The following VIL1 variants were observed in gnomAD, a reference collection of about 807,000 sequenced individuals.
VIL1 encodes the protein villin 1.
In VIL1, 86 loss-of-function variants were observed where a neutral mutation model predicts 104.0. The observed-to-expected ratio is 0.83, with a 90% confidence interval of 0.69 to 0.99. The LOEUF is 0.99. Among genes scored for constraint, VIL1 ranks in the 50% least tolerant of loss-of-function variants. VIL1 has a pLI of 0.00. For synonymous variants in VIL1, 394 were observed against 412.6 expected, an observed-to-expected ratio of 0.95 and a Z score of 0.55; for missense variants, 944 against 1,054.1, an observed-to-expected ratio of 0.90 and a Z score of 1.45.
chr2:218,423,708 A>G (rs1688931216), intron 1 of VIL1, 60 bp from the exon 2 acceptor site: 2 of 1,558,662 alleles, frequency 1.3e-6, no homozygotes, highest in Non-Finnish European at 8.8e-7. Context: ...CTCTAGGGGC[A>G]GGCTGGAAGG....
At chr2:218,435,181 C>T (rs1689167466) in intron 14 of VIL1, 108 bp from the exon 15 acceptor site, 1 of 1,484,656 alleles carries the variant, frequency 6.7e-7, no homozygotes. Context: ...TACACAAGGT[C>T]CTGACCCAGG....
intron 10 of VIL1, among the ~76,000 whole-genome samples, chr2:218,431,598 C>A (rs568680931): frequency 6.6e-6 from 1 of 152,072 alleles, no homozygotes; most frequent in East Asian, 1.9e-4. Flanking sequence ...GGGGTCAGGA[C>A]GTAGATCAAC....
At chr2:218,425,924 C>A in intron 4 of VIL1, 113 bp downstream of exon 4, 2 of 1,178,470 alleles carry the variant, frequency 1.7e-6, no homozygotes, top group Non-Finnish European at 1.2e-6. Flanking sequence ...CTGGGAAGAA[C>A]ACTTGGAGCA....
intron 6 of VIL1, among the ~76,000 whole-genome samples, chr2:218,428,802 G>A (rs1689045596): frequency 6.6e-6 from 1 of 152,194 alleles, no homozygotes; most frequent in Non-Finnish European, 1.5e-5. Context: ...CTCCCGAGTA[G>A]CTGGGATTAC....
Position 218,424,798 on chromosome 2 carries a change from A to G in VIL1, c.150+447A>G, listed in dbSNP as rs149852901. Among the ~76,000 whole-genome samples the G allele has an allele frequency of 8.3e-4, 126 of 152,240 alleles. No homozygotes were observed. The East Asian group carries it at 0.016, about 19-fold the overall frequency. ...CAGCCTCTTGAGTAGCTTGGACTAC[A>G]GGCACGTGCCACCACAGTCAGCTAA... On this transcript the variant is annotated intron_variant, in intron 3 of 19. Transcript: ENST00000248444.
intron 1 of VIL1, among the ~76,000 whole-genome samples, chr2:218,419,527 C>T (rs949395787): frequency 2.0e-5 from 3 of 152,172 alleles, no homozygotes; most frequent in Non-Finnish European, 4.4e-5. Context: ...ACTCCCCGAG[C>T]CCCCTCCCCA....
At position 218,419,154 on chromosome 2, in the gene VIL1, G is replaced by C. The variant is rs1189390113; in HGVS notation, c.-26G>C. The C allele has an allele frequency of 6.6e-6, 1 of 152,262 alleles. No individual in the cohort carries two copies. Among genetic ancestry groups the C allele is most frequent in the African/African-American group, 2.4e-5 (1 of 41,422 alleles). The allele number at this position is 152,262 out of a possible 1,614,324, so 9.4% of individuals were successfully genotyped here. A position where few individuals can be genotyped will look rare whatever the true frequency, so the allele number is the denominator to read the frequency against. On this transcript the variant is annotated 5_prime_UTR_variant, in exon 1 of 20. Transcript: ENST00000248444. Reference sequence around the variant, plus strand: ...CCCTGAGATCTCCCAGGTGGCAGCTGCCTCCCCAAGACAGGTAAGGCAACC... The same window carrying C: ...CCCTGAGATCTCCCAGGTGGCAGCTCCCTCCCCAAGACAGGTAAGGCAACC...
Position 218,453,148 on chromosome 2 carries a change from T to A in VIL1, c.*3812T>A, listed in dbSNP as rs368062145. 1.3e-5 allele frequency: 2 copies of A among 152,182 alleles called. No individual in the cohort carries two copies. The highest frequency in any genetic ancestry group is 4.8e-5 in the African/African-American group (2 of 41,452). 9.4% of individuals were successfully genotyped at this position (152,182 alleles called of 1,614,324 possible). A position where few individuals can be genotyped will look rare whatever the true frequency, so the allele number is the denominator to read the frequency against. The stretch of plus-strand genomic sequence containing the variant: ...TCAAAGAATGAAAACTTAGAATAGT[T>A]TACTACATTAGAATACATCCAAGTT... On this transcript the variant is annotated 3_prime_UTR_variant, in exon 20 of 20. Coordinates refer to ENST00000248444, the MANE Select transcript of VIL1 (RefSeq NM_007127.3).
At position 218,448,070 on chromosome 2, in the gene VIL1, G is replaced by A. The variant is rs574468543; in HGVS notation, c.2371-1153G>A. ...AGCTCAGGGGTTCCAGACCTGCCTG[G>A]GCAACATGGTGAAACTTGATCTCTA... On this transcript the variant is annotated intron_variant, in intron 19 of 19. Coordinates refer to ENST00000248444, the MANE Select transcript of VIL1 (RefSeq NM_007127.3). 6.2e-4 allele frequency among the ~76,000 whole-genome samples: 94 copies of A among 152,192 alleles called. No homozygotes were observed. In the South Asian group the frequency reaches 0.017, roughly 28 times the overall value.
chr2:218,446,826 G>A (rs964334248), intron 19 of VIL1, among the ~76,000 whole-genome samples: 4 of 145,596 alleles, frequency 2.7e-5, no homozygotes, highest in African/African-American at 1.0e-4. Context: ...GTGCAGTGGT[G>A]CGATCTCGCT....
At chr2:218,437,395 G>C in intron 17 of VIL1, 83 bp downstream of exon 17, 1 of 1,506,104 alleles carries the variant, frequency 6.6e-7, no homozygotes, top group Non-Finnish European at 9.0e-7. Flanking sequence ...CTGTCTCTTT[G>C]GGATATATGA....
In VIL1 at chr2:218,451,019, G is replaced by A. The variant is rs1689462651; in HGVS notation, c.*1683G>A. The A allele has an allele frequency of 6.6e-6, 1 of 152,016 alleles. No homozygotes were observed. Among genetic ancestry groups the A allele is most frequent in the Admixed American group, 6.6e-5 (1 of 15,240 alleles). The allele number at this position is 152,016 out of a possible 1,614,324, so 9.4% of individuals were successfully genotyped here. A position where few individuals can be genotyped will look rare whatever the true frequency, so the allele number is the denominator to read the frequency against. Reference sequence around the variant, plus strand: ...TGTGGTTAAACACAGCAAAATAATTGTCACAAAACTTTCAAGGCCTAACAA... The same window carrying A: ...TGTGGTTAAACACAGCAAAATAATTATCACAAAACTTTCAAGGCCTAACAA... On this transcript the variant is annotated 3_prime_UTR_variant, in exon 20 of 20. Transcript: ENST00000248444.
chr2:218,432,019 C>T (rs1689108209), intron 11 of VIL1, 27 bp from the exon 12 acceptor site: 2 of 1,614,036 alleles, frequency 1.2e-6, no homozygotes, highest in African/African-American at 1.3e-5. Flanking sequence ...TGTCCTGGAC[C>T]TCACCCTGGC....
At chr2:218,423,636 G>A in intron 1 of VIL1, 132 bp from the exon 2 acceptor site, 1 of 784,004 alleles carries the variant, frequency 1.3e-6, no homozygotes, top group Non-Finnish European at 2.1e-6. Context: ...CCTGAGTGGG[G>A]AGTAACCCTC....
chr2:218,444,027 A>G (rs1241291776), intron 19 of VIL1, among the ~76,000 whole-genome samples: 1 of 151,960 alleles, frequency 6.6e-6, no homozygotes, highest in Non-Finnish European at 1.5e-5. Context: ...GTGCAATGGT[A>G]CAATCTCGGC....
intron 14 of VIL1, among the ~76,000 whole-genome samples, 158 bp from the exon 15 acceptor site, chr2:218,435,131 G>A (rs1345490363): frequency 1.3e-5 from 2 of 152,170 alleles, no homozygotes; most frequent in African/African-American, 4.8e-5. Context: ...GGAGTGTCAA[G>A]GACAGAAGAA....
intron 19 of VIL1, among the ~76,000 whole-genome samples, chr2:218,447,997 T>G (rs567641034): frequency 6.0e-4 from 91 of 152,366 alleles, no homozygotes; most frequent in African/African-American, 2.1e-3. Flanking sequence ...TGGTGGCTCA[T>G]GCTTATAATC....
In VIL1 at chr2:218,432,841, GTCATCCTGGACC is replaced by G. The variant is rs772628161; in HGVS notation, c.1391_1402del (p.Val464_Gln468delinsGlu). 1 of 1,614,202 alleles carries G rather than the reference GTCATCCTGGACC, an allele frequency of 6.2e-7. No individual in the cohort carries two copies. The highest frequency in any genetic ancestry group is 8.5e-7 in the Non-Finnish European group (1 of 1,180,038). On this transcript the variant is annotated inframe_deletion, in exon 13 of 20. Coordinates refer to ENST00000248444, the MANE Select transcript of VIL1 (RefSeq NM_007127.3). Reference sequence around the variant, plus strand: ...AATTACAGCATCAGCTTATCAAGCCGTCATCCTGGACCAGAAGTACAATGGTGAACCAGTCCA... The same window carrying G: ...AATTACAGCATCAGCTTATCAAGCCGAGAAGTACAATGGTGAACCAGTCCA...
Position 218,438,721 on chromosome 2 carries a change from AC to A in VIL1, c.2225del (p.Thr742MetfsTer31), listed in dbSNP as rs1035156822. The A allele has an allele frequency of 6.2e-6, 10 of 1,611,436 alleles. No individual in the cohort carries two copies. The highest frequency in any genetic ancestry group is 8.5e-6 in the Non-Finnish European group (10 of 1,179,356). ...CAACTCTAGGGACTGGAGCCAGATC[AC>A]TGCTGTGAGTCCGGGGCGGGGTGGC... ...LGNSRDWSQI[T>X]AEVTSPKVDV... On this transcript the variant is annotated frameshift_variant, in exon 18 of 20. Coordinates refer to ENST00000248444, the MANE Select transcript of VIL1 (RefSeq NM_007127.3). LOFTEE classifies it high-confidence loss of function.
Sources: allele counts gnomAD v4.1 joint callset (sites outside exome capture counted in the v4.1 genomes callset), GRCh38; gene constraint gnomAD v4.1.1; transcripts MANE v1.5; gene names NCBI Gene and HGNC (gene_info 2026-07-23, HGNC 2026-07-21).